Variants in VIRMA observed in about 807,000 individuals in gnomAD.
The protein encoded by VIRMA is protein virilizer homolog.
In VIRMA, 65 loss-of-function variants were observed where a neutral mutation model predicts 182.4. The observed-to-expected ratio is 0.36, with a 90% CI of 0.29 to 0.44. The LOEUF is 0.44. Among genes scored for constraint, VIRMA ranks in the 20% least tolerant of loss-of-function variants. VIRMA has a pLI of 1.00. For synonymous variants in VIRMA, 709 were observed against 743.1 expected (o/e 0.95, Z 0.75); for missense variants, 1,752 against 2,158.1 (o/e 0.81, Z 3.73).
intron 16 of VIRMA, 114 bp from the exon 17 acceptor site, chr8:94,499,620 A>C (rs1257301294): frequency 1.4e-6 from 1 of 698,692 alleles, no homozygotes; most frequent in Non-Finnish European, 2.2e-6. Context: ...CATTTTTAAA[A>C]ATGCTAAGAA....
Position 94,511,433 on chromosome 8 carries a change from G to A in VIRMA, c.3142C>T (p.Pro1048Ser), listed in dbSNP as rs1268733684. The change falls in exon 13 of 24, where the codon CCC becomes TCC. Residue 1048 changes from proline to serine, a missense_variant. Pro to Ser is a moderately conservative substitution (Grantham distance 74). Around this residue, in one of 11 missense-constraint regions of VIRMA, gnomAD observed 777 missense variants for 920.6 expected, o/e 0.84. Coordinates refer to ENST00000297591, the MANE Select transcript of VIRMA (RefSeq NM_015496.5). ...VTLHMLLCSIPLSGRLDSDEQ... is the reference protein window; with the variant it reads ...VTLHMLLCSISLSGRLDSDEQ... ...TCACTATCCAAACGACCTGAGAGGG[G>A]GATAGAGCACAGGAGCATATGTAAA... is the stretch of plus-strand genomic sequence containing the variant. The A allele has an allele frequency of 6.2e-7, 1 of 1,614,088 alleles. No individual in the cohort carries two copies. The highest frequency in any genetic ancestry group is 8.5e-7 in the Non-Finnish European group (1 of 1,179,996).
At chr8:94,513,800 T>C (rs1336902762) in intron 11 of VIRMA, among the ~76,000 whole-genome samples, 1 of 152,076 alleles carries the variant, frequency 6.6e-6, no homozygotes, top group Non-Finnish European at 1.5e-5. Flanking sequence ...TAATTGTACT[T>C]CTCCTAAATA....
intron 5 of VIRMA, among the ~76,000 whole-genome samples, 160 bp downstream of exon 5, chr8:94,534,679 C>G (rs1358533591): frequency 6.6e-6 from 1 of 151,422 alleles, no homozygotes; most frequent in Non-Finnish European, 1.5e-5. Flanking sequence ...CCCTCTGCTT[C>G]TCCCTCTCAT....
intron 13 of VIRMA, chr8:94,510,885 T>A: frequency 1.0e-6 from 1 of 999,092 alleles, no homozygotes; most frequent in Non-Finnish European, 1.4e-6. Context: ...AATCTAGTTA[T>A]TGGCAAATTC....
rs761151690 is a variant in VIRMA at position 94,489,970 on chromosome 8, A to G, written c.5253T>C (p.Pro1751=). 3 of 1,614,114 alleles carry G rather than the reference A, an allele frequency of 1.9e-6. No individual in the cohort carries two copies. Among genetic ancestry groups the G allele is most frequent in the Non-Finnish European group, 2.5e-6 (3 of 1,180,014 alleles). The change falls in exon 23 of 24, where the codon CCT becomes CCC. Residue 1751 remains proline (P), a synonymous_variant. Transcript: ENST00000297591. ...AACTAAGGGGTCGTAATGGTGGAAG[A>G]GGGCCTCTGTTAAAATTGCTCTGGC... The part of the protein sequence containing the change: ...RGGQSNFNRG[P]LPPLRPLSST...
chr8:94,538,447 T>C, intron 2 of VIRMA, 101 bp from the exon 3 acceptor site: 2 of 693,720 alleles, frequency 2.9e-6, no homozygotes, highest in East Asian at 5.2e-5. Context: ...AATTCTAGAA[T>C]TAGAATATGA....
chr8:94,538,316 G>A lies in VIRMA; in HGVS notation c.210C>T (p.Asp70=), dbSNP rs751239836. 1 of 1,612,992 alleles carries A rather than the reference G, an allele frequency of 6.2e-7. No individual in the cohort carries two copies. The highest frequency in any genetic ancestry group is 8.5e-7 in the Non-Finnish European group (1 of 1,179,102). ...GTTTGCTTACATTGTTGAAGAATAAGTCTAATTGAAATGTATGGGGAGATG... is the reference window on the plus strand; with the variant it reads ...GTTTGCTTACATTGTTGAAGAATAAATCTAATTGAAATGTATGGGGAGATG... The part of the protein sequence containing the change: ...GETSPHTFQL[D]LFFNNVSKPS... Residue 70 remains aspartate, a synonymous_variant, in exon 3 of 24, where the codon GAC becomes GAT. Coordinates refer to ENST00000297591, the MANE Select transcript of VIRMA (RefSeq NM_015496.5).
At position 94,536,873 on chromosome 8, in the gene VIRMA, G is replaced by T. The variant is rs183812836; in HGVS notation, c.315+230C>A. Among the ~76,000 whole-genome samples the T allele has an allele frequency of 6.7e-3, 1,020 of 152,312 alleles. 8 individuals are homozygous for T. Among genetic ancestry groups the T allele is most frequent in the African/African-American group, 0.023 (948 of 41,562 alleles). On this transcript the variant is annotated intron_variant, in intron 4 of 23. Transcript: ENST00000297591. ...AGACACCTCTAGTCCCAGCTACTCGGGAGGCTGAGGCAGGAGAATGGCGTG... is the reference window on the plus strand; with the variant it reads ...AGACACCTCTAGTCCCAGCTACTCGTGAGGCTGAGGCAGGAGAATGGCGTG...
At chr8:94,490,833 GC>G (rs1245885302) in intron 22 of VIRMA, among the ~76,000 whole-genome samples, 3 of 151,106 alleles carry the variant, frequency 2.0e-5, no homozygotes, top group Admixed American at 6.6e-5. Flanking sequence ...GGCAAGAAGA[GC>G]AAAACTCTGT....
intron 5 of VIRMA, chr8:94,533,710 G>C (rs1815245876): frequency 6.7e-6 from 1 of 148,832 alleles, no homozygotes; most frequent in Non-Finnish European, 1.5e-5. Context: ...CAAAGTGTAA[G>C]GATTACAGGC....
intron 10 of VIRMA, 146 bp from the exon 11 acceptor site, chr8:94,515,097 T>TA: frequency 7.0e-6 from 3 of 429,106 alleles, no homozygotes; most frequent in East Asian, 3.7e-5. Flanking sequence ...TGCATCTAAT[T>TA]CTTTTTTTTT....
intron 1 of VIRMA, among the ~76,000 whole-genome samples, chr8:94,552,677 T>C (rs1189842251): frequency 2.0e-5 from 3 of 152,122 alleles, no homozygotes. Flanking sequence ...GCAGGGCCAA[T>C]TGTACATTAA....
chr8:94,495,810 C>T lies in VIRMA; in HGVS notation c.4465G>A (p.Asp1489Asn). Residue 1489 changes from aspartate (D) to asparagine (N), a missense_variant, in exon 19 of 24, where the codon GAC becomes AAC. Physicochemically the swap from Asp to Asn is conservative, Grantham distance 23. Coordinates refer to ENST00000297591, the MANE Select transcript of VIRMA (RefSeq NM_015496.5). ...TCCTGGTCACTGAGAGGTAAAGGGT[C>T]ACCTGATGACTCCAGCATCTGCTTA... Reference protein sequence around the residue: ...GLKQMLESSGDPLPLSDQDVE... With the variant: ...GLKQMLESSGNPLPLSDQDVE... The T allele has an allele frequency of 3.1e-6, 5 of 1,613,644 alleles. No individual in the cohort carries two copies. The highest frequency in any genetic ancestry group is 4.2e-6 in the Non-Finnish European group (5 of 1,179,600).
chr8:94,546,814 G>A, intron 1 of VIRMA: 1 of 401,516 alleles, frequency 2.5e-6, no homozygotes, highest in Non-Finnish European at 5.0e-6. Context: ...TTCTCCTACT[G>A]AAGTATGGTC....
At chr8:94,514,141 A>C (rs750411163) in intron 11 of VIRMA, among the ~76,000 whole-genome samples, 4 of 152,136 alleles carry the variant, frequency 2.6e-5, no homozygotes, top group Non-Finnish European at 5.9e-5. Flanking sequence ...GCACACACTC[A>C]CGCACAGATT....
intron 7 of VIRMA, among the ~76,000 whole-genome samples, chr8:94,527,682 C>T (rs1245281455): frequency 6.6e-6 from 1 of 152,130 alleles, no homozygotes; most frequent in Non-Finnish European, 1.5e-5. Context: ...TTAGAAATGC[C>T]TCAAAGTAAC....
rs1246788043 is a variant in VIRMA at position 94,531,026 on chromosome 8, GT to G, written c.543del (p.Pro182GlnfsTer59). 1 of 1,602,474 alleles carries G rather than the reference GT, an allele frequency of 6.2e-7. No individual in the cohort carries two copies. The highest frequency in any genetic ancestry group is 2.3e-5 in the East Asian group (1 of 43,488). On this transcript the variant is annotated frameshift_variant, in exon 6 of 24. Transcript: ENST00000297591. LOFTEE classifies it high-confidence loss of function. Reference sequence around the variant, plus strand: ...GGAGGGGGTCCTGGAGGAGTTCTTGGTCCCCTTGGCTGTGGTCTTGGAGGGC... The same window carrying G: ...GGAGGGGGTCCTGGAGGAGTTCTTGGCCCCTTGGCTGTGGTCTTGGAGGGC... ...NGSPPRPQPR[G>X]PRTPPGPPPP...
intron 23 of VIRMA, 136 bp downstream of exon 23, chr8:94,489,803 C>T (rs1813553632): frequency 3.3e-6 from 3 of 921,608 alleles, no homozygotes; most frequent in Admixed American, 3.1e-5. Context: ...CAAAGTTATA[C>T]TTAGATTTTT....
At position 94,526,673 on chromosome 8, in the gene VIRMA, C is replaced by T. The variant is rs1186982829; in HGVS notation, c.1571G>A (p.Arg524Lys). 6.2e-7 allele frequency: 1 copy of T among 1,613,894 alleles called. No individual in the cohort carries two copies. The highest frequency in any genetic ancestry group is 8.5e-7 in the Non-Finnish European group (1 of 1,179,978). The change falls in exon 8 of 24, where the codon AGG becomes AAG. Residue 524 changes from arginine to lysine, a missense_variant. Physicochemically the swap from Arg to Lys is conservative, Grantham distance 26 (BLOSUM62 2). Transcript: ENST00000297591. Reference sequence around the variant, plus strand: ...TTGATAACCACTTTTTTCATTCTGCCTACCTCTTAAAAAAGCTTCCATTCC... The same window carrying T: ...TTGATAACCACTTTTTTCATTCTGCTTACCTCTTAAAAAAGCTTCCATTCC... ...TEGMEAFLRG[R>K]QNEKSGYQKL... is the part of the protein sequence containing the mutation.
Sources: gnomAD v4.1 joint callset for allele counts (sites outside exome capture counted in the v4.1 genomes callset) on GRCh38, gnomAD v4.1.1 for gene constraint, gnomAD v4.1.1 regional missense constraint, MANE v1.5 for transcripts, NCBI Gene and HGNC (gene_info 2026-07-23, HGNC 2026-07-21) for gene names.